TMEM52B: variants seen among roughly 807,000 people sequenced by gnomAD.
The protein encoded by TMEM52B is chromosome 12 open reading frame 59.
TMEM52B carries 11 observed loss-of-function variants against 16.1 expected under a neutral mutation model. The observed-to-expected ratio is 0.68, with a 90% CI of 0.43 to 1.13. The LOEUF (loss-of-function observed/expected upper bound fraction) is 1.13. TMEM52B is among the 50% of genes most tolerant of loss of function. The pLI is 0.00. For missense variants in TMEM52B, 243 were observed against 230.4 expected (o/e 1.05, Z -0.35); for synonymous variants, 101 against 93.8 (o/e 1.08, Z -0.45).
At chr12:10,185,306 G>C in intron 2 of TMEM52B, 24 bp from the exon 3 acceptor site, 1 of 1,563,872 alleles carries the variant, frequency 6.4e-7, no homozygotes, top group South Asian at 1.1e-5. Context: ...TTTTAATGTA[G>C]AAAACTTTAT....
At chr12:10,185,858 C>G (rs966868170) in intron 3 of TMEM52B, among the ~76,000 whole-genome samples, 1 of 152,052 alleles carries the variant, frequency 6.6e-6, no homozygotes, top group African/African-American at 2.4e-5. Context: ...CCTGACCAAC[C>G]TGGAGAAACT....
chr12:10,171,343 G>A (rs1425767574), intron 1 of TMEM52B, among the ~76,000 whole-genome samples: 2 of 152,178 alleles, frequency 1.3e-5, no homozygotes, highest in African/African-American at 4.8e-5. Flanking sequence ...CAGATTGTCT[G>A]TGGAATTGGG....
rs183355675 is a variant in TMEM52B, at chr12:10,191,075, G to A, written c.*935G>A. ...AAAAACTAAATGCTGAACTAAGCCT[G>A]GTTGAGATGCTTCCCATGGACCATG... is the stretch of plus-strand genomic sequence containing the variant. On this transcript the variant is annotated 3_prime_UTR_variant, in exon 5 of 5. Coordinates refer to ENST00000543484, the MANE Select transcript of TMEM52B (RefSeq NM_001384896.1). The A allele has an allele frequency of 6.6e-6, 1 of 152,230 alleles. No homozygotes were observed. Among genetic ancestry groups the A allele is most frequent in the African/African-American group, 2.4e-5 (1 of 41,454 alleles). 9.4% of individuals were successfully genotyped at this position (152,230 alleles called of 1,614,324 possible).
intron 4 of TMEM52B, 149 bp from the exon 5 acceptor site, chr12:10,189,747 G>T (rs532817626): frequency 2.8e-6 from 3 of 1,062,634 alleles, no homozygotes; most frequent in Non-Finnish European, 4.0e-6. Context: ...ATGCTTCAAA[G>T]GATATTCATA....
rs777451923 is a variant in TMEM52B, at chr12:10,179,637, A to G, written c.54+9A>G. On this transcript the variant is annotated intron_variant, in intron 1 of 4. Coordinates refer to ENST00000543484, the MANE Select transcript of TMEM52B (RefSeq NM_001384896.1). ...TGCTGTATTTCATCCTGGTGAGTTC[A>G]GTGGTGAAAAGGCAGAAAGAGTATT... 6.2e-7 allele frequency: 1 copy of G among 1,614,184 alleles called. No homozygotes were observed. Among genetic ancestry groups the G allele is most frequent in the South Asian group, 1.1e-5 (1 of 91,086 alleles).
intron 1 of TMEM52B, among the ~76,000 whole-genome samples, chr12:10,171,542 T>C (rs1224988422): frequency 6.6e-6 from 1 of 152,208 alleles, no homozygotes; most frequent in African/African-American, 2.4e-5. Context: ...CTTACAGAAA[T>C]TATCGTTATA....
chr12:10,173,038 A>G (rs1247147161), intron 1 of TMEM52B, among the ~76,000 whole-genome samples: 1 of 152,228 alleles, frequency 6.6e-6, no homozygotes, highest in Admixed American at 6.5e-5. Context: ...CCAATAAATA[A>G]TAATTATTAG....
chr12:10,175,374 G>A (rs1208372086), upstream of TMEM52B: 1 of 152,140 alleles, frequency 6.6e-6, no homozygotes, highest in Non-Finnish European at 1.5e-5. Context: ...AGGCTCACCT[G>A]AGAATGCATG....
upstream of TMEM52B, among the ~76,000 whole-genome samples, chr12:10,177,467 T>C (rs1159576679): frequency 1.3e-5 from 2 of 152,052 alleles, no homozygotes; most frequent in Non-Finnish European, 2.9e-5. Context: ...CCACAATCAC[T>C]CAGCATAATT....
upstream of TMEM52B, among the ~76,000 whole-genome samples, chr12:10,177,750 C>G (rs947076311): frequency 2.7e-5 from 4 of 146,054 alleles, no homozygotes; most frequent in Non-Finnish European, 6.0e-5. Flanking sequence ...AGCCTGGTGA[C>G]AGAGAGACTC....
chr12:10,171,964 G>T, intron 1 of TMEM52B: 1 of 1,486,398 alleles, frequency 6.7e-7, no homozygotes, highest in Non-Finnish European at 9.4e-7. Context: ...GCTAACACTG[G>T]GATTCTTTCC....
chr12:10,174,944 A>G (rs1948754992), upstream of TMEM52B, among the ~76,000 whole-genome samples: 1 of 152,176 alleles, frequency 6.6e-6, no homozygotes, highest in Non-Finnish European at 1.5e-5. Context: ...ATAATATTCC[A>G]TTGTATGTAT....
At chr12:10,176,268 G>T (rs920304281), upstream of TMEM52B, among the ~76,000 whole-genome samples, 3 of 151,666 alleles carry the variant, frequency 2.0e-5, no homozygotes, top group Non-Finnish European at 4.4e-5. Context: ...CATTCATTAG[G>T]ATAAAAACAA....
intron 4 of TMEM52B, among the ~76,000 whole-genome samples, chr12:10,187,961 T>C (rs1421070935): frequency 2.0e-5 from 3 of 151,864 alleles, no homozygotes; most frequent in African/African-American, 7.3e-5. Flanking sequence ...TAGCCAGGCA[T>C]GGTGGCACAC....
chr12:10,187,308 G>A (rs376603309), intron 4 of TMEM52B, among the ~76,000 whole-genome samples: 2 of 151,912 alleles, frequency 1.3e-5, no homozygotes, highest in African/African-American at 4.8e-5. Flanking sequence ...CACCATCTTG[G>A]CCAGGCTGGT....
intron 3 of TMEM52B, 123 bp downstream of exon 3, chr12:10,185,491 G>A: frequency 1.4e-6 from 1 of 738,268 alleles, no homozygotes; most frequent in South Asian, 1.6e-5. Flanking sequence ...CTACCTATGT[G>A]ACAATATGTC....
At chr12:10,180,878 T>C (rs906429628) in intron 1 of TMEM52B, among the ~76,000 whole-genome samples, 1 of 152,232 alleles carries the variant, frequency 6.6e-6, no homozygotes, top group African/African-American at 2.4e-5. Context: ...CGATCTTGGC[T>C]GACTGCAACC....
intron 2 of TMEM52B, 53 bp downstream of exon 2, chr12:10,182,646 A>AC (rs1006222321): frequency 6.7e-7 from 1 of 1,501,760 alleles, no homozygotes; most frequent in Non-Finnish European, 8.9e-7. Context: ...AAACATCACT[A>AC]CCCCAAAAGA....
chr12:10,190,425 T>C lies in TMEM52B; in HGVS notation c.*285T>C. 2 of 377,122 alleles carry C rather than the reference T, an allele frequency of 5.3e-6. No individual in the cohort carries two copies. The highest frequency in any genetic ancestry group is 5.2e-5 in the South Asian group (2 of 38,404). The allele number at this position is 377,122 out of a possible 1,614,324, so 23.4% of individuals were successfully genotyped here. A position where few individuals can be genotyped will look rare whatever the true frequency, so the allele number is the denominator to read the frequency against. ...AAGCATCAAGGTGTCTTGAATTCCT[T>C]TAACTATTGAGTGCATATAGAATTC... On this transcript the variant is annotated 3_prime_UTR_variant, in exon 5 of 5. Transcript: ENST00000543484.
Sources: allele counts gnomAD v4.1 joint callset (sites outside exome capture counted in the v4.1 genomes callset), GRCh38; gene constraint gnomAD v4.1.1; transcripts MANE v1.5; gene names NCBI Gene and HGNC (gene_info 2026-07-23, HGNC 2026-07-21).